OAF: variants seen among roughly 807,000 people sequenced by gnomAD.
OAF encodes out at first protein homolog.
Under a neutral mutation model 22.5 loss-of-function variants are expected in OAF, and 13 were observed. The observed-to-expected ratio is 0.58, with a 90% confidence interval of 0.38 to 0.92. The LOEUF (loss-of-function observed/expected upper bound fraction) is 0.92. OAF is among the 40% of genes least tolerant of loss of function. OAF has a pLI of 0.00. For synonymous variants in OAF, 175 were observed against 170.5 expected (o/e 1.03, Z -0.21); for missense variants, 347 against 381.8 (o/e 0.91, Z 0.76).
intron 1 of OAF, among the ~76,000 whole-genome samples, chr11:120,221,543 T>C (rs533291425): frequency 1.1e-3 from 171 of 152,320 alleles, no homozygotes; most frequent in Middle Eastern, 3.4e-3. Flanking sequence ...GTAGATACTA[T>C]CATTTTATTC....
rs577493500 is a variant in OAF at position 120,224,623 on chromosome 11, G to C, written c.232-1038G>C. On this transcript the variant is annotated intron_variant, in intron 1 of 3. Transcript: ENST00000328965. ...ACTCAGTGACTGTGTGGTGGGGGGAGCTGGGGCCCGGGCATTAATAGATGA... is the reference window on the plus strand; with the variant it reads ...ACTCAGTGACTGTGTGGTGGGGGGACCTGGGGCCCGGGCATTAATAGATGA... Among the ~76,000 whole-genome samples the C allele has an allele frequency of 1.8e-4, 27 of 152,272 alleles. No homozygotes were observed. In the South Asian group the frequency reaches 2.3e-3, roughly 13 times the overall value.
In OAF at chr11:120,230,060, G is replaced by A. The variant is rs1938417377; in HGVS notation, c.*918G>A. 1 of 152,246 alleles carries A rather than the reference G, an allele frequency of 6.6e-6. No homozygotes were observed. The highest frequency in any genetic ancestry group is 1.5e-5 in the Non-Finnish European group (1 of 68,054). The allele number at this position is 152,246 out of a possible 1,614,324, so 9.4% of individuals were successfully genotyped here. On this transcript the variant is annotated 3_prime_UTR_variant, in exon 4 of 4. Coordinates refer to ENST00000328965, the MANE Select transcript of OAF (RefSeq NM_178507.4). ...AACAAGAACTTCGAAAGCACCTACT[G>A]TGTGCTCAGCCATTTGAGGAAGGAA...
In OAF at chr11:120,211,151, G is replaced by A; in HGVS notation, c.-129G>A. ...CGCGCCACCTCGCGGGCGACCCCGC[G>A]GCCAAGGCCCCCGGCGGAGCGGCTC... On this transcript the variant is annotated 5_prime_UTR_variant, in exon 1 of 4. Coordinates refer to ENST00000328965, the MANE Select transcript of OAF (RefSeq NM_178507.4). 2.7e-6 allele frequency: 1 copy of A among 368,430 alleles called. No individual in the cohort carries two copies. Among genetic ancestry groups the A allele is most frequent in the Non-Finnish European group, 4.3e-6 (1 of 234,558 alleles). 22.8% of individuals were successfully genotyped at this position (368,430 alleles called of 1,614,324 possible).
At chr11:120,221,024 TGAG>T (rs1336952818) in intron 1 of OAF, among the ~76,000 whole-genome samples, 2 of 152,180 alleles carry the variant, frequency 1.3e-5, no homozygotes, top group African/African-American at 2.4e-5. Flanking sequence ...CAAGGGCCAA[TGAG>T]GAGTCCCTCA....
intron 3 of OAF, 74 bp from the exon 4 acceptor site, chr11:120,228,794 C>G: frequency 8.4e-7 from 1 of 1,190,230 alleles, no homozygotes; most frequent in African/African-American, 1.5e-5. Flanking sequence ...TGGGGAATGG[C>G]AGCGGCCTCT....
Position 120,219,603 on chromosome 11 carries a change from C to T in OAF, c.232-6058C>T, listed in dbSNP as rs76041140. Among the ~76,000 whole-genome samples the T allele has an allele frequency of 8.4e-3, 1,285 of 152,282 alleles. 15 individuals carry two copies. The highest frequency in any genetic ancestry group is 0.024 in the Middle Eastern group (7 of 294). On this transcript the variant is annotated intron_variant, in intron 1 of 3. Coordinates refer to ENST00000328965, the MANE Select transcript of OAF (RefSeq NM_178507.4). ...AGTGCAGCTGAACCAGAGCAGCCTT[C>T]CCTCTGGAGACACAGGTGGATCCCA... is the stretch of plus-strand genomic sequence containing the variant.
intron 1 of OAF, among the ~76,000 whole-genome samples, chr11:120,215,895 G>A (rs1326669876): frequency 3.9e-5 from 6 of 152,296 alleles, no homozygotes; most frequent in South Asian, 4.2e-4. Flanking sequence ...ATGGCATCAC[G>A]GTGGTGGGCG....
chr11:120,229,693 G>A lies in OAF; in HGVS notation c.*551G>A, dbSNP rs1357457630. ...ACAGCATATTCTCATCTCTGGCCCC[G>A]AGGCTGCCTGTGGGGCGAGTGGAGA... On this transcript the variant is annotated 3_prime_UTR_variant, in exon 4 of 4. Coordinates refer to ENST00000328965, the MANE Select transcript of OAF (RefSeq NM_178507.4). The A allele has an allele frequency of 1.3e-5, 2 of 154,402 alleles. No individual in the cohort carries two copies. Among genetic ancestry groups the A allele is most frequent in the African/African-American group, 2.4e-5 (1 of 41,442 alleles). The allele number at this position is 154,402 out of a possible 1,614,324, so 9.6% of individuals were successfully genotyped here. A position where few individuals can be genotyped will look rare whatever the true frequency, so the allele number is the denominator to read the frequency against.
chr11:120,229,673 A>G lies in OAF; in HGVS notation c.*531A>G, dbSNP rs2135100485. The G allele has an allele frequency of 6.4e-6, 1 of 155,930 alleles. No individual in the cohort carries two copies. Among genetic ancestry groups the G allele is most frequent in the East Asian group, 1.9e-4 (1 of 5,382 alleles). 9.7% of individuals were successfully genotyped at this position (155,930 alleles called of 1,614,324 possible). A position where few individuals can be genotyped will look rare whatever the true frequency, so the allele number is the denominator to read the frequency against. On this transcript the variant is annotated 3_prime_UTR_variant, in exon 4 of 4. Transcript: ENST00000328965. ...CGCAGCCCCTGTACTGGATTACAGC[A>G]TATTCTCATCTCTGGCCCCGAGGCT...
At chr11:120,228,384 A>G (rs1938390052) in intron 3 of OAF, among the ~76,000 whole-genome samples, 2 of 152,074 alleles carry the variant, frequency 1.3e-5, no homozygotes, top group Admixed American at 1.3e-4. Context: ...GCCCGGCCAG[A>G]TGTCACCTTT....
At chr11:120,225,553 G>A in intron 1 of OAF, 108 bp from the exon 2 acceptor site, 2 of 940,742 alleles carry the variant, frequency 2.1e-6, no homozygotes, top group Non-Finnish European at 3.1e-6. Flanking sequence ...GGTGTCTGTT[G>A]CCCGGCAGTG....
chr11:120,219,688 G>T (rs571020561), intron 1 of OAF, among the ~76,000 whole-genome samples: 2 of 152,202 alleles, frequency 1.3e-5, no homozygotes, highest in African/African-American at 4.8e-5. Context: ...CAAGGGCTAC[G>T]GAGGGGAGCC....
At chr11:120,212,827 T>TG (rs1211409035) in intron 1 of OAF, among the ~76,000 whole-genome samples, 1 of 137,864 alleles carries the variant, frequency 7.3e-6, no homozygotes, top group Admixed American at 7.5e-5. Flanking sequence ...AGCAGGCAGA[T>TG]GGGGGGTGGG....
intron 1 of OAF, among the ~76,000 whole-genome samples, chr11:120,214,689 G>A (rs908366483): frequency 4.6e-5 from 7 of 152,096 alleles, no homozygotes; most frequent in African/African-American, 1.7e-4. Flanking sequence ...CTCTACCCGC[G>A]TCAGAGTTCT....
At position 120,211,416 on chromosome 11, in the gene OAF, AG is replaced by A. The variant is rs747374259; in HGVS notation, c.138del (p.Ser47AlafsTer33). On this transcript the variant is annotated frameshift_variant, in exon 1 of 4. Transcript: ENST00000328965. LOFTEE classifies it high-confidence loss of function. ...CTGCCGGACGGCCAGGTGACCGAGGAGAGCCTGCAGGCGGACAGCGACGCGG... is the reference window on the plus strand; with the variant it reads ...CTGCCGGACGGCCAGGTGACCGAGGAAGCCTGCAGGCGGACAGCGACGCGG... ...VRLPDGQVTE[E>X]SLQADSDADS... 8 of 1,545,278 alleles carry A rather than the reference AG, an allele frequency of 5.2e-6. No individual in the cohort carries two copies. Among genetic ancestry groups the A allele is most frequent in the African/African-American group, 2.8e-5 (2 of 70,550 alleles).
chr11:120,229,104 C>A lies in OAF; in HGVS notation c.784C>A (p.Gln262Lys), dbSNP rs1396249004. 1 of 1,613,530 alleles carries A rather than the reference C, an allele frequency of 6.2e-7. No individual in the cohort carries two copies. The highest frequency in any genetic ancestry group is 1.7e-5 in the Admixed American group (1 of 60,028). ...YSFDFYVPQR[Q>K]LCLWDEDPYP... Reference sequence around the variant, plus strand: ...CTTCGACTTCTACGTGCCCCAGAGGCAGCTGTGTCTCTGGGATGAGGATCC... The same window carrying A: ...CTTCGACTTCTACGTGCCCCAGAGGAAGCTGTGTCTCTGGGATGAGGATCC... The change falls in exon 4 of 4, where the codon CAG (glutamine) becomes AAG (lysine). Residue 262 changes from glutamine to lysine, a missense_variant. Gln to Lys is a moderately conservative substitution (Grantham distance 53). Transcript: ENST00000328965.
rs1423770949 is a variant in OAF at position 120,211,265 on chromosome 11, C to A, written c.-15C>A. 2.5e-6 allele frequency: 3 copies of A among 1,199,110 alleles called. No homozygotes were observed. The highest frequency in any genetic ancestry group is 7.0e-5 in the East Asian group (2 of 28,566). The allele number at this position is 1,199,110 out of a possible 1,614,324, so 74.3% of individuals were successfully genotyped here. Reference sequence around the variant, plus strand: ...CGCGGCGCGCCGGGGCCGCGGACGGCAGCGGCCCCCGGGGATGCGCCTTCC... The same window carrying A: ...CGCGGCGCGCCGGGGCCGCGGACGGAAGCGGCCCCCGGGGATGCGCCTTCC... On this transcript the variant is annotated 5_prime_UTR_variant, in exon 1 of 4. Coordinates refer to ENST00000328965, the MANE Select transcript of OAF (RefSeq NM_178507.4).
In OAF at chr11:120,225,731, G is replaced by A. The variant is rs1172480901; in HGVS notation, c.302G>A (p.Cys101Tyr). Reference sequence around the variant, plus strand: ...GGGCAGAGTCAGTTCCAGGCCCTCTGCTTTGTCACCCAGCTGCAGCACAAT... The same window carrying A: ...GGGCAGAGTCAGTTCCAGGCCCTCTACTTTGTCACCCAGCTGCAGCACAAT... Reference protein sequence around the residue: ...EKGQSQFQALCFVTQLQHNEI... With the variant: ...EKGQSQFQALYFVTQLQHNEI... Residue 101 changes from cysteine to tyrosine, a missense_variant, in exon 2 of 4, where the codon TGC (cysteine) becomes TAC (tyrosine). Cys to Tyr is a radical substitution (Grantham distance 194, BLOSUM62 -2). Coordinates refer to ENST00000328965, the MANE Select transcript of OAF (RefSeq NM_178507.4). 1 of 1,606,022 alleles carries A rather than the reference G, an allele frequency of 6.2e-7. No homozygotes were observed. Among genetic ancestry groups the A allele is most frequent in the Non-Finnish European group, 8.5e-7 (1 of 1,176,446 alleles).
At chr11:120,224,502 G>A (rs1363551608) in intron 1 of OAF, among the ~76,000 whole-genome samples, 2 of 152,172 alleles carry the variant, frequency 1.3e-5, no homozygotes, top group South Asian at 2.1e-4. Context: ...GCTTCGGGGC[G>A]GAGCTGTGAG....
Sources: allele counts gnomAD v4.1 joint callset (sites outside exome capture counted in the v4.1 genomes callset), GRCh38; gene constraint gnomAD v4.1.1; transcripts MANE v1.5; gene names NCBI Gene and HGNC (gene_info 2026-07-23, HGNC 2026-07-21).